The following DLG2 variants were observed in gnomAD, a reference collection of about 807,000 sequenced individuals.
The protein encoded by DLG2 is disks large homolog 2.
DLG2 carries 45 observed loss-of-function variants against 132.5 expected under a neutral mutation model. The observed-to-expected ratio is 0.34, with a 90% CI of 0.27 to 0.44. The LOEUF (loss-of-function observed/expected upper bound fraction) is 0.44, where lower values mean the gene tolerates loss of function less well. DLG2 is among the 20% of genes least tolerant of loss of function. The pLI is 1.00. For synonymous variants in DLG2, 424 were observed against 419.6 expected (o/e 1.01, Z -0.13); for missense variants, 1,045 against 1,196.9 (o/e 0.87, Z 1.87).
intron 18 of DLG2, among the ~76,000 whole-genome samples, chr11:83,745,189 A>C (rs893482247): frequency 7.2e-5 from 11 of 152,204 alleles, no homozygotes; most frequent in African/African-American, 2.7e-4. Flanking sequence ...TTTGTGATGC[A>C]TTCTGTAGAA....
chr11:85,340,828 T>C (rs1032210610), intron 3 of DLG2, among the ~76,000 whole-genome samples: 29 of 152,214 alleles, frequency 1.9e-4, no homozygotes, highest in Admixed American at 1.8e-3. Flanking sequence ...GTAGAAAGCA[T>C]TTCCCTGTAT....
chr11:84,064,380 GACATATATCACAGCAC>G (rs1468364034), intron 10 of DLG2, among the ~76,000 whole-genome samples: 9 of 152,102 alleles, frequency 5.9e-5, no homozygotes, highest in Non-Finnish European at 1.0e-4. Flanking sequence ...TTTTATACTG[GACATATATCACAGCAC>G]AGAACCTAAG....
intron 11 of DLG2, among the ~76,000 whole-genome samples, chr11:84,024,226 A>G (rs1422826377): frequency 6.6e-6 from 1 of 152,166 alleles, no homozygotes; most frequent in Non-Finnish European, 1.5e-5. Context: ...TATGGTAAAA[A>G]ATGCATCAAA....
chr11:85,215,178 T>C (rs1341492958), intron 4 of DLG2, among the ~76,000 whole-genome samples: 1 of 152,208 alleles, frequency 6.6e-6, no homozygotes, highest in African/African-American at 2.4e-5. Context: ...AAAACATGTG[T>C]GTATTTTCAG....
At chr11:84,905,823 G>A (rs1449103599) in intron 6 of DLG2, among the ~76,000 whole-genome samples, 1 of 152,018 alleles carries the variant, frequency 6.6e-6, no homozygotes, top group Non-Finnish European at 1.5e-5. Context: ...TTAATCTGTT[G>A]AAAAGCCTGA....
At chr11:83,760,909 T>C (rs1173993188) in intron 18 of DLG2, among the ~76,000 whole-genome samples, 1 of 152,194 alleles carries the variant, frequency 6.6e-6, no homozygotes, top group Non-Finnish European at 1.5e-5. Flanking sequence ...TATAAAAATA[T>C]TCCCTTATTT....
chr11:83,839,287 ATACT>A (rs1299833116), intron 16 of DLG2, among the ~76,000 whole-genome samples: 16 of 152,344 alleles, frequency 1.1e-4, no homozygotes, highest in South Asian at 4.1e-4. Context: ...GTTAATTATG[ATACT>A]TACTTTAATA....
chr11:84,190,214 C>G (rs2096379371), intron 8 of DLG2, among the ~76,000 whole-genome samples: 1 of 151,198 alleles, frequency 6.6e-6, no homozygotes, highest in Non-Finnish European at 1.5e-5. Context: ...TAAGTATACT[C>G]TAGAAGTTTA....
intron 18 of DLG2, chr11:83,651,855 A>G (rs570407179): frequency 3.2e-5 from 15 of 471,164 alleles, no homozygotes; most frequent in South Asian, 2.2e-4. Context: ...CAGAGCTACG[A>G]AGGTCACATT....
intron 11 of DLG2, among the ~76,000 whole-genome samples, chr11:84,007,414 G>C (rs1272985602): frequency 6.6e-6 from 1 of 151,592 alleles, no homozygotes; most frequent in African/African-American, 2.4e-5. Flanking sequence ...CTATTTTATT[G>C]CAACTAAATA....
chr11:84,240,600 G>A (rs2154342670), intron 8 of DLG2, among the ~76,000 whole-genome samples: 1 of 152,188 alleles, frequency 6.6e-6, no homozygotes, highest in South Asian at 2.1e-4. Context: ...TGACCTGGAG[G>A]GATTGATGGA....
intron 6 of DLG2, among the ~76,000 whole-genome samples, chr11:84,987,859 G>T (rs2056666441): frequency 6.6e-6 from 1 of 152,290 alleles, no homozygotes; most frequent in Non-Finnish European, 1.5e-5. Context: ...ATTGGCTTAT[G>T]CAAGGATTTC....
intron 4 of DLG2, among the ~76,000 whole-genome samples, chr11:85,273,498 G>GA (rs2077679347): frequency 6.6e-6 from 1 of 152,262 alleles, no homozygotes; most frequent in Admixed American, 6.5e-5. Context: ...ACAGACACAT[G>GA]AAAAAATGCT....
At chr11:84,092,814 G>T (rs569912175) in intron 10 of DLG2, among the ~76,000 whole-genome samples, 3 of 152,114 alleles carry the variant, frequency 2.0e-5, no homozygotes, top group East Asian at 1.9e-4. Flanking sequence ...GAGGTGGGCG[G>T]ATCACAAGGT....
At chr11:84,187,516 T>A (rs1304559369) in intron 8 of DLG2, among the ~76,000 whole-genome samples, 1 of 152,062 alleles carries the variant, frequency 6.6e-6, no homozygotes, top group Non-Finnish European at 1.5e-5. Flanking sequence ...AAGGACTGTT[T>A]CACCCAATTG....
intron 4 of DLG2, among the ~76,000 whole-genome samples, chr11:85,189,313 A>G (rs2080349156): frequency 6.6e-6 from 1 of 152,202 alleles, no homozygotes; most frequent in Admixed American, 6.5e-5. Context: ...AAAAAAATTC[A>G]TTCCTAGAGA....
intron 4 of DLG2, among the ~76,000 whole-genome samples, chr11:85,209,709 G>A (rs542683014): frequency 6.7e-6 from 1 of 150,338 alleles, no homozygotes; most frequent in African/African-American, 2.4e-5. Context: ...CAAAGTTCTG[G>A]GATTATAGGC....
At chr11:84,772,032 C>T (rs1024379951) in intron 6 of DLG2, among the ~76,000 whole-genome samples, 1 of 152,032 alleles carries the variant, frequency 6.6e-6, no homozygotes, top group Non-Finnish European at 1.5e-5. Flanking sequence ...CATGTAATGA[C>T]CCCCATAGGC....
chr11:84,209,982 A>T (rs2096729913), intron 8 of DLG2, among the ~76,000 whole-genome samples: 1 of 152,174 alleles, frequency 6.6e-6, no homozygotes, highest in African/African-American at 2.4e-5. Flanking sequence ...ACTTCTAGTT[A>T]TCTACTCCAA....
Sources: gnomAD v4.1 joint callset for allele counts (sites outside exome capture counted in the v4.1 genomes callset) on GRCh38, gnomAD v4.1.1 for gene constraint, MANE v1.5 for transcripts, NCBI Gene and HGNC (gene_info 2026-07-23, HGNC 2026-07-21) for gene names.